Variants in CA4 observed in about 807,000 individuals in gnomAD.
CA4 encodes the protein carbonic anhydrase 4, also known as CA-IV.
Under a neutral mutation model 34.5 loss-of-function variants are expected in CA4, and 24 were observed. The ratio of observed to expected loss-of-function variants is 0.70; its 90% confidence interval spans 0.50 to 0.98. CA4 has a LOEUF of 0.98. Among genes scored for constraint, CA4 ranks in the 50% least tolerant of loss-of-function variants. CA4 has a pLI of 0.00. For synonymous variants in CA4, 178 were observed against 170.6 expected, an observed-to-expected ratio of 1.04 and a Z score of -0.34; for missense variants, 394 against 396.7, an observed-to-expected ratio of 0.99 and a Z score of 0.06.
intron 2 of CA4, 152 bp from the exon 3 acceptor site, chr17:60,156,408 G>A (rs1044053055): frequency 1.7e-5 from 13 of 785,664 alleles, no homozygotes; most frequent in African/African-American, 3.4e-5. Context: ...AGTGGAGTTC[G>A]GAGCTGAGCA....
chr17:60,158,971 G>A lies in CA4; in HGVS notation c.745-259G>A, dbSNP rs1567732445. 5.4e-6 allele frequency: 3 copies of A among 554,818 alleles called. No homozygotes were observed. The East Asian group carries it at 9.4e-5, about 17-fold the overall frequency. 34.4% of individuals were successfully genotyped at this position (554,818 alleles called of 1,614,324 possible). A position where few individuals can be genotyped will look rare whatever the true frequency, so the allele number is the denominator to read the frequency against. On this transcript the variant is annotated intron_variant, in intron 7 of 7. Coordinates refer to ENST00000300900, the MANE Select transcript of CA4 (RefSeq NM_000717.5). The stretch of plus-strand genomic sequence containing the variant: ...AGAGCCACAGTCCTGTAGTAAGAGT[G>A]ACAAGAGAAGCAGGCATTGCGGGCC...
intron 5 of CA4, among the ~76,000 whole-genome samples, chr17:60,165,872 A>G (rs1480499378): frequency 2.6e-5 from 4 of 151,518 alleles, no homozygotes; most frequent in Admixed American, 6.6e-5. Context: ...TACATGGGAC[A>G]TAGTTACACC....
intron 7 of CA4, 162 bp downstream of exon 7, chr17:60,158,608 C>A: frequency 2.8e-6 from 2 of 706,452 alleles, no homozygotes; most frequent in Non-Finnish European, 4.8e-6. Context: ...CAAGAAAAGC[C>A]TGAGCTGTTC....
chr17:60,155,917 T>A (rs2083676183), intron 2 of CA4, among the ~76,000 whole-genome samples: 1 of 152,198 alleles, frequency 6.6e-6, no homozygotes. Flanking sequence ...TCCTTTACGC[T>A]TTTATTTGAA....
At chr17:60,176,610 C>T in the CA4 span, among the ~76,000 whole-genome samples, 1 of 152,162 alleles carries the variant, frequency 6.6e-6, no homozygotes, top group African/African-American at 2.4e-5. Context: ...GGCACCAATC[C>T]TCAGTTTACC....
At chr17:60,150,219 C>A (rs2083564951) in intron 1 of CA4, 127 bp downstream of exon 1, 2 of 776,910 alleles carry the variant, frequency 2.6e-6, no homozygotes. Context: ...TCCCGGGTTG[C>A]GTGTGCGCCG....
Position 60,155,380 on chromosome 17 carries a change from A to C in CA4, c.112+13A>C. The C allele has an allele frequency of 6.2e-7, 1 of 1,600,730 alleles. No individual in the cohort carries two copies. The highest frequency in any genetic ancestry group is 2.3e-5 in the East Asian group (1 of 44,072). ...TACCCCTGCTTGGGTGAGTACAGCCAGTCCAGGGGACTGCTCTTTGTGCAT... is the reference window on the plus strand; with the variant it reads ...TACCCCTGCTTGGGTGAGTACAGCCCGTCCAGGGGACTGCTCTTTGTGCAT... On this transcript the variant is annotated intron_variant, in intron 2 of 7. Transcript: ENST00000300900.
At chr17:60,155,388 G>A (rs767214122) in intron 2 of CA4, 21 bp downstream of exon 2, 2 of 1,594,882 alleles carry the variant, frequency 1.3e-6, no homozygotes, top group South Asian at 1.1e-5. Context: ...CCAGTCCAGG[G>A]GACTGCTCTT....
chr17:60,174,317 A>T (rs972779926), downstream of CA4, among the ~76,000 whole-genome samples: 1 of 152,102 alleles, frequency 6.6e-6, no homozygotes, highest in Non-Finnish European at 1.5e-5. Context: ...TGGGCAGCAC[A>T]ATGTTCAAAG....
intron 2 of CA4, among the ~76,000 whole-genome samples, chr17:60,156,108 G>GC (rs768492926): frequency 3.3e-4 from 50 of 152,086 alleles, no homozygotes; most frequent in Non-Finnish European, 5.9e-4. Flanking sequence ...TTCATCAGCA[G>GC]CCCCCCCGGG....
intron 5 of CA4, 111 bp from the exon 6 acceptor site, chr17:60,157,950 A>G (rs933917141): frequency 4.5e-6 from 7 of 1,558,726 alleles, no homozygotes; most frequent in Admixed American, 1.9e-5. Flanking sequence ...GGGAGCCCAG[A>G]GCCTCAATCC....
chr17:60,177,048 T>C, the CA4 span, among the ~76,000 whole-genome samples: 2,509 of 152,310 alleles, frequency 0.016, 29 homozygotes, highest in Non-Finnish European at 0.024. Context: ...CCACAGATGG[T>C]ACTGGTCTGT....
downstream of CA4, among the ~76,000 whole-genome samples, chr17:60,174,995 T>G (rs1018381613): frequency 6.6e-6 from 1 of 152,070 alleles, no homozygotes; most frequent in African/African-American, 2.4e-5. Context: ...ATTCAGAAAC[T>G]AGAAACAAAA....
chr17:60,154,343 G>A (rs2083643007), intron 1 of CA4, among the ~76,000 whole-genome samples: 1 of 152,068 alleles, frequency 6.6e-6, no homozygotes, highest in Non-Finnish European at 1.5e-5. Flanking sequence ...GCCCTATGAG[G>A]TGGGTATGTT....
At chr17:60,150,956 C>T (rs907094176) in intron 1 of CA4, among the ~76,000 whole-genome samples, 4 of 152,192 alleles carry the variant, frequency 2.6e-5, no homozygotes, top group Non-Finnish European at 4.4e-5. Flanking sequence ...ACCCGGAGCC[C>T]CAAGGCCTCT....
chr17:60,155,111 A>G (rs1474991712), intron 1 of CA4, among the ~76,000 whole-genome samples: 1 of 152,190 alleles, frequency 6.6e-6, no homozygotes, highest in Non-Finnish European at 1.5e-5. Context: ...ACAGAGCCCT[A>G]TGCCAGCTGA....
chr17:60,158,574 T>A (rs1292237285), intron 7 of CA4, 128 bp downstream of exon 7: 1 of 878,228 alleles, frequency 1.1e-6, no homozygotes, highest in East Asian at 2.7e-5. Flanking sequence ...CCGTTGTTAA[T>A]CATCGACATT....
downstream of CA4, among the ~76,000 whole-genome samples, chr17:60,161,525 T>A (rs2083788678): frequency 6.6e-6 from 1 of 151,882 alleles, no homozygotes; most frequent in African/African-American, 2.4e-5. Context: ...AGGGATTCCA[T>A]CACCTGGTTC....
Position 60,155,941 on chromosome 17 carries a change from G to T in CA4, c.112+574G>T, listed in dbSNP as rs141219970. Among the ~76,000 whole-genome samples the T allele has an allele frequency of 1.2e-3, 188 of 152,248 alleles. 1 individual carries two copies. Among genetic ancestry groups the T allele is most frequent in the African/African-American group, 4.3e-3 (180 of 41,550 alleles). On this transcript the variant is annotated intron_variant, in intron 2 of 7. Transcript: ENST00000300900. The stretch of plus-strand genomic sequence containing the variant: ...CTTTTATTTGAATGCTGACCAATTC[G>T]AATGCAAACCCTGCAGTCTGCTGTG...
Sources: allele counts gnomAD v4.1 joint callset (sites outside exome capture counted in the v4.1 genomes callset), GRCh38; gene constraint gnomAD v4.1.1; transcripts MANE v1.5; gene names NCBI Gene and HGNC (gene_info 2026-07-23, HGNC 2026-07-21).